DNAH14: variants seen among roughly 807,000 people sequenced by gnomAD.
DNAH14 encodes the protein dynein axonemal heavy chain 14.
DNAH14 carries 478 observed loss-of-function variants against 520.9 expected under a neutral mutation model. The ratio of observed to expected loss-of-function variants is 0.92; its 90% CI spans 0.85 to 0.99. The LOEUF (loss-of-function observed/expected upper bound fraction) is 0.99, where lower values mean the gene tolerates loss of function less well. Among genes scored for constraint, DNAH14 ranks in the 50% least tolerant of loss-of-function variants. The pLI is 0.00. For synonymous variants in DNAH14, 1,581 were observed against 1,757.2 expected (o/e 0.90, Z 2.51); for missense variants, 4,831 against 5,234.5 (o/e 0.92, Z 2.38).
In DNAH14 at chr1:225,043,794, G is replaced by C; in HGVS notation, c.1814+5G>C. 1 of 1,460,900 alleles carries C rather than the reference G, an allele frequency of 6.8e-7. No homozygotes were observed. Among genetic ancestry groups the C allele is most frequent in the Non-Finnish European group, 9.4e-7 (1 of 1,068,248 alleles). 90.5% of individuals were successfully genotyped at this position (1,460,900 alleles called of 1,614,324 possible). A position where few individuals can be genotyped will look rare whatever the true frequency, so the allele number is the denominator to read the frequency against. ...GAATAAATACATGTATTATGAGTAA[G>C]TATTAGACATTTTAAAAATTACGAG... is the stretch of plus-strand genomic sequence containing the variant. On this transcript the variant is annotated splice_donor_5th_base_variant and intron_variant, in intron 14 of 85. Transcript: ENST00000682510.
intron 15 of DNAH14, among the ~76,000 whole-genome samples, chr1:225,048,699 T>G (rs2068194976): frequency 6.6e-6 from 1 of 152,116 alleles, no homozygotes; most frequent in African/African-American, 2.4e-5. Flanking sequence ...TTAATCCAAA[T>G]TTTCCTTTTT....
At chr1:224,978,772 G>T (rs2125681826) in intron 8 of DNAH14, among the ~76,000 whole-genome samples, 1 of 152,106 alleles carries the variant, frequency 6.6e-6, no homozygotes, top group African/African-American at 2.4e-5. Context: ...CTGAATACCT[G>T]GGGCTACAGG....
At chr1:225,312,178 A>T (rs2094380655) in intron 60 of DNAH14, among the ~76,000 whole-genome samples, 1 of 152,000 alleles carries the variant, frequency 6.6e-6, no homozygotes, top group Non-Finnish European at 1.5e-5. Context: ...TGTAAGTTGT[A>T]TTCCTAGGTA....
intron 38 of DNAH14, among the ~76,000 whole-genome samples, chr1:225,193,600 G>A (rs4653612): frequency 0.31 from 47,850 of 151,944 alleles, 8,725 homozygotes; most frequent in East Asian, 0.61. Context: ...ATCATACTGA[G>A]TGGGGAAAAG....
chr1:225,147,361 T>TG lies in DNAH14; in HGVS notation c.4940+112_4940+113insG, dbSNP rs1194314728. ...ATAAGTGTTTAGGTCTTTGGGGTGT[T>TG]TTTTTTTTAAAGCACATACCAAAAG... is the stretch of plus-strand genomic sequence containing the variant. On this transcript the variant is annotated intron_variant, in intron 31 of 85. Coordinates refer to ENST00000682510, the MANE Select transcript of DNAH14 (RefSeq NM_001367479.1). The TG allele has an allele frequency of 2.6e-6, 3 of 1,166,630 alleles. No individual in the cohort carries two copies. The East Asian group carries it at 8.8e-5, about 34-fold the overall frequency. The allele number at this position is 1,166,630 out of a possible 1,614,324, so 72.3% of individuals were successfully genotyped here.
chr1:225,115,011 C>T (rs1460431220), intron 23 of DNAH14, among the ~76,000 whole-genome samples: 2 of 152,170 alleles, frequency 1.3e-5, no homozygotes, highest in African/African-American at 4.8e-5. Flanking sequence ...CTGTGGGGAG[C>T]ACAATCAGTG....
intron 17 of DNAH14, among the ~76,000 whole-genome samples, chr1:225,059,636 A>G (rs568807337): frequency 6.6e-6 from 1 of 152,254 alleles, no homozygotes; most frequent in South Asian, 2.1e-4. Flanking sequence ...GGTCTTTACA[A>G]TTTGGCATGT....
At position 225,377,426 on chromosome 1, in the gene DNAH14, C is replaced by T; in HGVS notation, c.12706C>T (p.Leu4236Phe). ...GCAACCAAAAACTACCACTGCCAAC[C>T]TCATGATCAGGTAAGAACTCGCTAG... The part of the protein sequence containing the change: ...AMQPKTTTAN[L>F]MIRPEQSKDE... The change falls in exon 79 of 86, where the codon CTC (leucine) becomes TTC (phenylalanine). Residue 4236 changes from leucine (L) to phenylalanine (F), a missense_variant. Transcript: ENST00000682510. 1 of 1,549,148 alleles carries T rather than the reference C, an allele frequency of 6.5e-7. No homozygotes were observed. The highest frequency in any genetic ancestry group is 1.2e-5 in the South Asian group (1 of 83,678).
At chr1:225,146,809 C>T (rs1460451766) in intron 30 of DNAH14, among the ~76,000 whole-genome samples, 1 of 152,228 alleles carries the variant, frequency 6.6e-6, no homozygotes, top group Admixed American at 6.5e-5. Context: ...AGGGAGGGAT[C>T]TGGTACATCT....
chr1:225,384,187 G>A (rs934106762), intron 81 of DNAH14, among the ~76,000 whole-genome samples: 1 of 152,212 alleles, frequency 6.6e-6, no homozygotes, highest in African/African-American at 2.4e-5. Flanking sequence ...TAAGTGCGAT[G>A]TGGTGCTGAG....
intron 41 of DNAH14, among the ~76,000 whole-genome samples, chr1:225,226,516 T>C (rs1253885427): frequency 1.3e-5 from 2 of 152,138 alleles, no homozygotes; most frequent in Non-Finnish European, 2.9e-5. Flanking sequence ...GATTCCACTT[T>C]AGTTGGGAGG....
intron 23 of DNAH14, among the ~76,000 whole-genome samples, chr1:225,101,089 G>T (rs1309255116): frequency 6.6e-6 from 1 of 151,640 alleles, no homozygotes; most frequent in Non-Finnish European, 1.5e-5. Flanking sequence ...ATGACCATTG[G>T]TAAATTATCA....
intron 8 of DNAH14, among the ~76,000 whole-genome samples, chr1:224,980,033 CT>C (rs1490769805): frequency 9.8e-5 from 15 of 152,286 alleles, no homozygotes; most frequent in Admixed American, 9.8e-4. Context: ...CTCAAACATG[CT>C]GGCTTCAGGT....
intron 81 of DNAH14, among the ~76,000 whole-genome samples, chr1:225,384,590 C>A (rs1434448414): frequency 6.6e-6 from 1 of 152,132 alleles, no homozygotes; most frequent in Non-Finnish European, 1.5e-5. Context: ...TCAGAGAATA[C>A]CATAAACACC....
At chr1:224,982,320 A>T (rs781771066) in intron 8 of DNAH14, among the ~76,000 whole-genome samples, 3 of 152,174 alleles carry the variant, frequency 2.0e-5, no homozygotes, top group Non-Finnish European at 4.4e-5. Flanking sequence ...ACTCAGCTGG[A>T]CTGGCAAAGC....
At chr1:225,145,454 G>T (rs954709338) in intron 30 of DNAH14, 75 bp downstream of exon 30, 35 of 1,193,162 alleles carry the variant, frequency 2.9e-5, no homozygotes, top group Non-Finnish European at 3.8e-5. Flanking sequence ...AAGAATAAAA[G>T]AACAAGAAAA....
chr1:225,051,520 A>C lies in DNAH14; in HGVS notation c.2149A>C (p.Lys717Gln). 1 of 1,548,692 alleles carries C rather than the reference A, an allele frequency of 6.5e-7. No individual in the cohort carries two copies. The highest frequency in any genetic ancestry group is 8.7e-7 in the Non-Finnish European group (1 of 1,146,078). The change falls in exon 17 of 86, where the codon AAG (lysine) becomes CAG (glutamine). Residue 717 changes from lysine to glutamine, a missense_variant. Coordinates refer to ENST00000682510, the MANE Select transcript of DNAH14 (RefSeq NM_001367479.1). ...LVNAYSHKFI[K>Q]YCTMTEKAKI... is the part of the protein sequence containing the mutation. ...TAATGCTTACAGCCACAAGTTTATA[A>C]AGTATTGTACCATGACAGAAAAGGC...
intron 31 of DNAH14, among the ~76,000 whole-genome samples, chr1:225,148,468 C>G (rs1573506792): frequency 7.4e-6 from 1 of 135,812 alleles, no homozygotes; most frequent in Non-Finnish European, 1.5e-5. Context: ...ATGGCACAAT[C>G]TCAGCTCACT....
At chr1:225,148,728 C>T (rs2080197808) in intron 31 of DNAH14, among the ~76,000 whole-genome samples, 1 of 152,186 alleles carries the variant, frequency 6.6e-6, no homozygotes, top group African/African-American at 2.4e-5. Context: ...TGCTTGTTGC[C>T]TGCATATATG....
Sources: allele counts gnomAD v4.1 joint callset (sites outside exome capture counted in the v4.1 genomes callset), GRCh38; gene constraint gnomAD v4.1.1; transcripts MANE v1.5; gene names NCBI Gene and HGNC (gene_info 2026-07-23, HGNC 2026-07-21).